HTR7: variants seen among roughly 807,000 people sequenced by gnomAD.
The protein encoded by HTR7 is 5-HT-7.
HTR7 carries 16 observed loss-of-function variants against 34.0 expected under a neutral mutation model. The ratio of observed to expected loss-of-function variants is 0.47; its 90% CI spans 0.32 to 0.71. The LOEUF (loss-of-function observed/expected upper bound fraction) is 0.71, where lower values mean the gene tolerates loss of function less well. HTR7 is among the 30% of genes least tolerant of loss of function. HTR7 has a pLI of 0.04. For synonymous variants in HTR7, 265 were observed against 260.2 expected (o/e 1.02, Z -0.18); for missense variants, 504 against 625.5 (o/e 0.81, Z 2.07).
intron 2 of HTR7, chr10:90,744,007 G>A: frequency 2.0e-6 from 1 of 500,170 alleles, no homozygotes; most frequent in Non-Finnish European, 3.9e-6. Flanking sequence ...AGTCTTACAG[G>A]TTTGTACAGG....
rs752277945 is a variant in HTR7 at position 90,749,028 on chromosome 10, A to C, written c.1106T>G (p.Phe369Cys). The change falls in exon 2 of 4, where the codon TTT becomes TGT. Residue 369 changes from phenylalanine to cysteine, a missense_variant. Physicochemically the swap from Phe to Cys is radical, Grantham distance 205. Coordinates refer to ENST00000336152, the MANE Select transcript of HTR7 (RefSeq NM_019859.4). The surrounding 1 kb of genome is among the most constrained non-coding windows in gnomAD (Gnocchi z 4.2). ...SCIPLWVERT[F>C]LWLGYANSLI... is the part of the protein sequence containing the mutation. ...AGAGTTTGCATAGCCTAGCCACAGA[A>C]ATGTCCTCTCCACCCACAGTGGGAT... 4 of 1,614,060 alleles carry C rather than the reference A, an allele frequency of 2.5e-6. No homozygotes were observed. Among genetic ancestry groups the C allele is most frequent in the Non-Finnish European group, 2.5e-6 (3 of 1,179,992 alleles).
chr10:90,831,970 C>A (rs546755218), intron 1 of HTR7, among the ~76,000 whole-genome samples: 43 of 152,280 alleles, frequency 2.8e-4, no homozygotes, highest in African/African-American at 1.0e-3. Flanking sequence ...ATTCACAAAC[C>A]CTGAGCTAGA....
chr10:90,766,664 T>C (rs73312302), intron 1 of HTR7, among the ~76,000 whole-genome samples: 3,669 of 152,338 alleles, frequency 0.024, 148 homozygotes, highest in African/African-American at 0.085. Context: ...AGTGGTGGTA[T>C]ACTTTCTTTT....
chr10:90,827,769 A>G (rs567877359), intron 1 of HTR7, among the ~76,000 whole-genome samples: 3 of 152,348 alleles, frequency 2.0e-5, no homozygotes, highest in African/African-American at 4.8e-5. Context: ...AAACCCCAAT[A>G]CAATGATAGC....
intron 1 of HTR7, among the ~76,000 whole-genome samples, chr10:90,816,318 G>C (rs1168940567): frequency 6.6e-6 from 1 of 152,140 alleles, no homozygotes; most frequent in Non-Finnish European, 1.5e-5. Flanking sequence ...CCAAAATTTG[G>C]AAACTATCTG....
chr10:90,742,667 C>G, intron 3 of HTR7, 139 bp from the exon 4 acceptor site: 1 of 551,148 alleles, frequency 1.8e-6, no homozygotes. Flanking sequence ...TTATGAGTAT[C>G]CTTCAAGGGA....
At chr10:90,806,194 A>G (rs1169555437) in intron 1 of HTR7, among the ~76,000 whole-genome samples, 2 of 152,246 alleles carry the variant, frequency 1.3e-5, no homozygotes, top group Non-Finnish European at 2.9e-5. Flanking sequence ...TGAAGAAAAA[A>G]TGAGACAGAT....
intron 1 of HTR7, among the ~76,000 whole-genome samples, chr10:90,782,891 T>C (rs534864511): frequency 6.6e-6 from 1 of 152,332 alleles, no homozygotes; most frequent in Non-Finnish European, 1.5e-5. Context: ...TTTAAAACAG[T>C]GAACATGGCT....
intron 1 of HTR7, among the ~76,000 whole-genome samples, chr10:90,787,151 G>A (rs1845392078): frequency 6.6e-6 from 1 of 152,040 alleles, no homozygotes; most frequent in Non-Finnish European, 1.5e-5. Flanking sequence ...TACTAAAGAG[G>A]AGGGCCTACT....
At chr10:90,769,880 AC>A (rs1589443099) in intron 1 of HTR7, among the ~76,000 whole-genome samples, 1 of 152,280 alleles carries the variant, frequency 6.6e-6, no homozygotes, top group African/African-American at 2.4e-5. Context: ...AATCCCTTTT[AC>A]AGGCAACAAA....
At chr10:90,789,715 C>G (rs73314025) in intron 1 of HTR7, among the ~76,000 whole-genome samples, 1,630 of 152,222 alleles carry the variant, frequency 0.011, 34 homozygotes, top group African/African-American at 0.037. Flanking sequence ...AAGCACTGCA[C>G]TTGCTGAATG....
intron 1 of HTR7, among the ~76,000 whole-genome samples, chr10:90,844,724 C>A (rs1846385270): frequency 3.3e-5 from 1 of 30,736 alleles, no homozygotes; most frequent in African/African-American, 1.4e-4. Flanking sequence ...GAGACTCCGT[C>A]TCAAAAAAAA....
At chr10:90,755,853 C>T (rs1844826409) in intron 1 of HTR7, among the ~76,000 whole-genome samples, 1 of 152,190 alleles carries the variant, frequency 6.6e-6, no homozygotes, top group Non-Finnish European at 1.5e-5. Flanking sequence ...ACTCTATGAT[C>T]TAGCAATTCC....
chr10:90,854,719 G>A (rs547527779), intron 1 of HTR7, among the ~76,000 whole-genome samples: 106 of 152,258 alleles, frequency 7.0e-4, no homozygotes, highest in African/African-American at 2.5e-3. Flanking sequence ...GATGGGGAGT[G>A]GTTAAGAAAA....
At chr10:90,819,663 A>T (rs1845948215) in intron 1 of HTR7, among the ~76,000 whole-genome samples, 3 of 152,270 alleles carry the variant, frequency 2.0e-5, no homozygotes, top group Middle Eastern at 6.8e-3. Flanking sequence ...TTTTTCTCTG[A>T]CACTGGATTT....
rs1416971515 is a variant in HTR7, at chr10:90,858,038, G to A, written c.-367C>T. Among the ~76,000 whole-genome samples the A allele has an allele frequency of 7.0e-6, 1 of 142,836 alleles. No individual in the cohort carries two copies. Among genetic ancestry groups the A allele is most frequent in the African/African-American group, 2.6e-5 (1 of 37,984 alleles). 93.7% of individuals were successfully genotyped at this position (142,836 alleles called of 152,430 possible). A position where few individuals can be genotyped will look rare whatever the true frequency, so the allele number is the denominator to read the frequency against. On this transcript the variant is annotated 5_prime_UTR_variant, in exon 1 of 4. Transcript: ENST00000336152. ...GCGGCAGCGGCAGAAGTTGCGGAGT[G>A]CGCCCCGCCCCTCGCGCCCGCCGCC...
At chr10:90,800,856 C>T (rs1169251843) in intron 1 of HTR7, among the ~76,000 whole-genome samples, 1 of 152,150 alleles carries the variant, frequency 6.6e-6, no homozygotes, top group Non-Finnish European at 1.5e-5. Flanking sequence ...CAGGGTGGCT[C>T]AATAAAGCTC....
chr10:90,761,633 C>CGTGT (rs3981197), intron 1 of HTR7, among the ~76,000 whole-genome samples: 22,139 of 147,362 alleles, frequency 0.15, 1,804 homozygotes, highest in East Asian at 0.25. Flanking sequence ...TGTGTGTATG[C>CGTGT]GTGTGTGTGT....
intron 1 of HTR7, among the ~76,000 whole-genome samples, chr10:90,777,100 G>C (rs1672531715): frequency 6.6e-6 from 1 of 152,130 alleles, no homozygotes; most frequent in Non-Finnish European, 1.5e-5. Context: ...GACAGGTATA[G>C]TCACTTACTC....
Sources: gnomAD v4.1 joint callset for allele counts (sites outside exome capture counted in the v4.1 genomes callset) on GRCh38, gnomAD v4.1.1 for gene constraint, Gnocchi (gnomAD v3.1) non-coding constraint, MANE v1.5 for transcripts, NCBI Gene and HGNC (gene_info 2026-07-23, HGNC 2026-07-21) for gene names.